The following SBF2 variants were observed in gnomAD, a reference collection of about 807,000 sequenced individuals.
SBF2 encodes the protein SET binding factor 2.
SBF2 carries 112 observed loss-of-function variants against 225.2 expected under a neutral mutation model. The observed-to-expected ratio is 0.50, with a 90% CI of 0.43 to 0.58. SBF2 has a LOEUF of 0.58. SBF2 is among the 20% of genes least tolerant of loss of function. The pLI is 0.00. For missense variants in SBF2, 1,996 were observed against 2,206.2 expected, an observed-to-expected ratio of 0.90 and a Z score of 1.91; for synonymous variants, 763 against 773.3, an observed-to-expected ratio of 0.99 and a Z score of 0.22.
At chr11:10,137,773 G>C (rs138572002) in intron 2 of SBF2, among the ~76,000 whole-genome samples, 1 of 152,072 alleles carries the variant, frequency 6.6e-6, no homozygotes, top group African/African-American at 2.4e-5. Context: ...TTGGGAGGCC[G>C]AGGTGGGTGG....
intron 35 of SBF2, chr11:9,788,030 G>C (rs1852487566): frequency 2.4e-6 from 1 of 422,854 alleles, no homozygotes; most frequent in Non-Finnish European, 4.4e-6. Flanking sequence ...CTGCACCCTT[G>C]GGCAGCCCAT....
At chr11:10,254,900 CAAAAAAAAAAAAAAAAAAAAAAAAA>C (rs71034757) in intron 1 of SBF2, among the ~76,000 whole-genome samples, 3 of 44,074 alleles carry the variant, frequency 6.8e-5, no homozygotes, top group Admixed American at 4.1e-4. Flanking sequence ...GACTCTGTCT[CAAAAAAAAAAAAAAAAAAAAAAAAA>C]AAAAAAAAAA....
intron 2 of SBF2, among the ~76,000 whole-genome samples, chr11:10,159,505 G>A (rs1360124714): frequency 1.3e-5 from 2 of 152,134 alleles, no homozygotes; most frequent in African/African-American, 2.4e-5. Context: ...CCCCCACCCA[G>A]GAACTGACTC....
chr11:9,972,080 G>A (rs897179679), intron 13 of SBF2, among the ~76,000 whole-genome samples: 5 of 152,148 alleles, frequency 3.3e-5, no homozygotes, highest in East Asian at 1.9e-4. Flanking sequence ...ATTTCAGAAC[G>A]CCTCGTTTCA....
chr11:9,926,759 G>A (rs1408348719), intron 16 of SBF2, among the ~76,000 whole-genome samples: 1 of 152,114 alleles, frequency 6.6e-6, no homozygotes, highest in Admixed American at 6.5e-5. Context: ...GGTATTTAGT[G>A]AGAAATTTCT....
In SBF2 at chr11:10,030,190, C is replaced by T. The variant is rs73410824; in HGVS notation, c.403-315G>A. On this transcript the variant is annotated intron_variant, in intron 4 of 39. Coordinates refer to ENST00000256190, the MANE Select transcript of SBF2 (RefSeq NM_030962.4). ...TTTGCCTCAACTTAAGTCTGTTAAA[C>T]TCTAAATCTCAAGACAAAAACTTAG... Among the ~76,000 whole-genome samples the T allele has an allele frequency of 0.011, 1,636 of 152,232 alleles. 32 individuals carry two copies. The highest frequency in any genetic ancestry group is 0.037 in the African/African-American group (1,537 of 41,548).
chr11:10,161,238 GT>G (rs938950206), intron 2 of SBF2, among the ~76,000 whole-genome samples: 27 of 147,370 alleles, frequency 1.8e-4, no homozygotes, highest in African/African-American at 6.5e-4. Context: ...GTTTTCAATC[GT>G]TTTTTTCTGG....
At chr11:9,955,771 A>G (rs78547949) in intron 16 of SBF2, among the ~76,000 whole-genome samples, 2,771 of 152,170 alleles carry the variant, frequency 0.018, 68 homozygotes, top group African/African-American at 0.055. Flanking sequence ...CCTAAATAGT[A>G]TATTATCATT....
upstream of SBF2, among the ~76,000 whole-genome samples, chr11:10,297,197 C>G (rs1324143492): frequency 2.0e-5 from 3 of 151,784 alleles, no homozygotes; most frequent in Non-Finnish European, 4.4e-5. Flanking sequence ...ATTCCCCCCC[C>G]CAAATATTTC....
At chr11:9,891,595 A>C (rs1860823406) in intron 17 of SBF2, among the ~76,000 whole-genome samples, 1 of 152,240 alleles carries the variant, frequency 6.6e-6, no homozygotes, top group Admixed American at 6.5e-5. Flanking sequence ...TGAAAGTACC[A>C]TATAAACAAC....
chr11:9,871,774 A>T (rs1371717318), intron 17 of SBF2, among the ~76,000 whole-genome samples: 2 of 152,092 alleles, frequency 1.3e-5, no homozygotes, highest in Non-Finnish European at 2.9e-5. Context: ...TACAGGCATG[A>T]GCCACCGTGC....
chr11:10,046,497 G>A (rs2134694825), intron 2 of SBF2, among the ~76,000 whole-genome samples: 1 of 152,014 alleles, frequency 6.6e-6, no homozygotes, highest in South Asian at 2.1e-4. Flanking sequence ...GTATCAACAG[G>A]CTAAAGAATA....
chr11:10,265,417 C>T (rs1325053967), intron 1 of SBF2, among the ~76,000 whole-genome samples: 1 of 130,898 alleles, frequency 7.6e-6, no homozygotes, highest in Non-Finnish European at 1.5e-5. Flanking sequence ...CCTTTGCCCA[C>T]TTTTTGATGG....
At chr11:10,131,250 G>T (rs1435970033) in intron 2 of SBF2, among the ~76,000 whole-genome samples, 3 of 150,326 alleles carry the variant, frequency 2.0e-5, no homozygotes, top group African/African-American at 7.4e-5. Context: ...TTTAAAGATA[G>T]GGTCTGGCTC....
chr11:10,209,052 G>C (rs147818213), intron 1 of SBF2, among the ~76,000 whole-genome samples: 2 of 152,084 alleles, frequency 1.3e-5, no homozygotes, highest in Non-Finnish European at 2.9e-5. Flanking sequence ...CAAGAAATTC[G>C]TATCTGTTGC....
chr11:10,220,991 C>T (rs993336116), intron 1 of SBF2, among the ~76,000 whole-genome samples: 3 of 152,160 alleles, frequency 2.0e-5, no homozygotes, highest in African/African-American at 4.8e-5. Flanking sequence ...TCTTTCCTGT[C>T]AGACTGGGCT....
chr11:9,963,129 T>C (rs1313890064), intron 15 of SBF2, among the ~76,000 whole-genome samples: 1 of 152,208 alleles, frequency 6.6e-6, no homozygotes, highest in Non-Finnish European at 1.5e-5. Flanking sequence ...ATTCATTACA[T>C]ATTCTAACTA....
intron 16 of SBF2, among the ~76,000 whole-genome samples, chr11:9,944,567 A>G (rs1865457976): frequency 6.6e-6 from 1 of 152,212 alleles, no homozygotes; most frequent in African/African-American, 2.4e-5. Flanking sequence ...AATTTTCACA[A>G]AAGAGTGAAA....
intron 26 of SBF2, among the ~76,000 whole-genome samples, chr11:9,834,691 C>G (rs1315479773): frequency 1.3e-5 from 2 of 152,194 alleles, no homozygotes; most frequent in African/African-American, 4.8e-5. Flanking sequence ...TAGACATAAT[C>G]ACTCATGAAG....
Sources: gnomAD v4.1 joint callset for allele counts (sites outside exome capture counted in the v4.1 genomes callset) on GRCh38, gnomAD v4.1.1 for gene constraint, MANE v1.5 for transcripts, NCBI Gene and HGNC (gene_info 2026-07-23, HGNC 2026-07-21) for gene names.